Variants in QTMAN observed in about 807,000 individuals in gnomAD.
The protein encoded by QTMAN is tRNA-queuosine alpha-mannosyltransferase.
At chr2:144,219,638 T>C in the QTMAN span, among the ~76,000 whole-genome samples, 1 of 151,950 alleles carries the variant, frequency 6.6e-6, no homozygotes, top group Non-Finnish European at 1.5e-5. Flanking sequence ...CTGGGCAACA[T>C]AGCAAAACCC....
chr2:144,131,682 T>C, the QTMAN span, among the ~76,000 whole-genome samples: 1 of 151,918 alleles, frequency 6.6e-6, no homozygotes, highest in South Asian at 2.1e-4. Context: ...GTACCTATAT[T>C]CTGTCTTCAT....
the QTMAN span, among the ~76,000 whole-genome samples, chr2:144,215,259 A>T: frequency 0.032 from 4,845 of 149,268 alleles, 228 homozygotes; most frequent in African/African-American, 0.1. Context: ...TAAAAAAAAA[A>T]AAATATATAT....
At chr2:144,094,982 C>G in the QTMAN span, among the ~76,000 whole-genome samples, 1 of 152,176 alleles carries the variant, frequency 6.6e-6, no homozygotes, top group Non-Finnish European at 1.5e-5. Flanking sequence ...TAGTATGACA[C>G]AGCACAACAG....
the QTMAN span, among the ~76,000 whole-genome samples, chr2:143,979,090 TAA>T: frequency 2.6e-5 from 4 of 152,048 alleles, no homozygotes; most frequent in Non-Finnish European, 2.9e-5. Flanking sequence ...AACCATGTTC[TAA>T]AGTGTTCAAT....
chr2:144,198,963 T>A, the QTMAN span, among the ~76,000 whole-genome samples: 2 of 152,142 alleles, frequency 1.3e-5, no homozygotes, highest in Non-Finnish European at 2.9e-5. Context: ...TTCCATTTCA[T>A]CTCTATTTAC....
chr2:144,138,811 T>C, the QTMAN span, among the ~76,000 whole-genome samples: 1 of 152,160 alleles, frequency 6.6e-6, no homozygotes, highest in Admixed American at 6.6e-5. Context: ...GGAGAAGGCA[T>C]AATTATCTAG....
the QTMAN span, among the ~76,000 whole-genome samples, chr2:144,319,022 C>T: frequency 6.6e-6 from 1 of 152,132 alleles, no homozygotes; most frequent in South Asian, 2.1e-4. Flanking sequence ...TCTTCTGATT[C>T]AATACTTCTA....
chr2:144,262,407 T>C, the QTMAN span, among the ~76,000 whole-genome samples: 1 of 151,200 alleles, frequency 6.6e-6, no homozygotes, highest in East Asian at 1.9e-4. Flanking sequence ...AATTAAAAAT[T>C]AAAAATTAAA....
the QTMAN span, among the ~76,000 whole-genome samples, chr2:144,071,579 G>A: frequency 6.6e-6 from 1 of 152,116 alleles, no homozygotes; most frequent in Non-Finnish European, 1.5e-5. Context: ...CACGTTCCAC[G>A]AAGCAGCCCT....
the QTMAN span, among the ~76,000 whole-genome samples, chr2:144,316,834 C>G: frequency 6.6e-6 from 1 of 152,134 alleles, no homozygotes; most frequent in African/African-American, 2.4e-5. Context: ...AGACAATCAC[C>G]AGAAAGAAAA....
chr2:144,253,110 A>T, the QTMAN span, among the ~76,000 whole-genome samples: 1 of 151,982 alleles, frequency 6.6e-6, no homozygotes, highest in South Asian at 2.1e-4. Context: ...TTGTCAAAAG[A>T]TCTAATGGTT....
chr2:144,261,401 A>G, the QTMAN span, among the ~76,000 whole-genome samples: 1 of 152,148 alleles, frequency 6.6e-6, no homozygotes, highest in Non-Finnish European at 1.5e-5. Context: ...TTTTTCAAAA[A>G]TATGTATATC....
the QTMAN span, among the ~76,000 whole-genome samples, chr2:144,081,415 G>A: frequency 6.6e-6 from 1 of 152,154 alleles, no homozygotes; most frequent in East Asian, 1.9e-4. Context: ...CATCAAAAAG[G>A]TCCAAATAAG....
At chr2:144,278,717 CTAAT>C in the QTMAN span, among the ~76,000 whole-genome samples, 3 of 151,872 alleles carry the variant, frequency 2.0e-5, no homozygotes, top group Admixed American at 6.6e-5. Flanking sequence ...CATGCATGGG[CTAAT>C]TAAATTATCC....
chr2:144,316,263 C>G, the QTMAN span, among the ~76,000 whole-genome samples: 23 of 151,712 alleles, frequency 1.5e-4, no homozygotes, highest in Non-Finnish European at 3.4e-4. Context: ...GCTGCTAAGG[C>G]CTTGTTCCTA....
the QTMAN span, among the ~76,000 whole-genome samples, chr2:144,077,827 T>C: frequency 1.3e-5 from 2 of 152,216 alleles, no homozygotes; most frequent in Non-Finnish European, 1.5e-5. Flanking sequence ...TAAGCAATTT[T>C]AACAATGATT....
the QTMAN span, chr2:144,005,772 T>C: frequency 3.3e-5 from 5 of 152,144 alleles, no homozygotes; most frequent in East Asian, 7.7e-4. Flanking sequence ...GTATTGTTAA[T>C]TTTATTAACA....
At chr2:143,979,141 T>C in the QTMAN span, among the ~76,000 whole-genome samples, 1 of 150,796 alleles carries the variant, frequency 6.6e-6, no homozygotes, top group African/African-American at 2.4e-5. Context: ...CTCTGAAAAA[T>C]ACAGTAATGT....
At chr2:144,177,307 A>G in the QTMAN span, 1 of 626,408 alleles carries the variant, frequency 1.6e-6, no homozygotes, top group African/African-American at 1.8e-5. Flanking sequence ...ACTGATTCTA[A>G]TTTTCATAGC....
Sources: allele counts gnomAD v4.1 joint callset (sites outside exome capture counted in the v4.1 genomes callset), GRCh38; gene constraint gnomAD v4.1.1; transcripts MANE v1.5; gene names NCBI Gene and HGNC (gene_info 2026-07-23, HGNC 2026-07-21).